TIAM1: variants seen among roughly 807,000 people sequenced by gnomAD.
The protein encoded by TIAM1 is rho guanine nucleotide exchange factor TIAM1.
Under a neutral mutation model 163.5 loss-of-function variants are expected in TIAM1, and 65 were observed. The ratio of observed to expected loss-of-function variants is 0.40; its 90% CI spans 0.33 to 0.49. The LOEUF (loss-of-function observed/expected upper bound fraction) is 0.49. Among genes scored for constraint, TIAM1 ranks in the 20% least tolerant of loss-of-function variants. The probability of loss-of-function intolerance (pLI) is 0.77; values close to 1 mark genes in which losing one functional copy is unlikely to be tolerated. For synonymous variants in TIAM1, 833 were observed against 810.1 expected (o/e 1.03, Z -0.48); for missense variants, 1,789 against 2,044.7 (o/e 0.87, Z 2.41).
At chr21:31,123,284 A>G (rs1411846842) in intron 27 of TIAM1, among the ~76,000 whole-genome samples, 1 of 152,178 alleles carries the variant, frequency 6.6e-6, no homozygotes, top group East Asian at 1.9e-4. Context: ...CTTTTTAAAC[A>G]TTTCCCTAGC....
intron 20 of TIAM1, among the ~76,000 whole-genome samples, chr21:31,146,248 C>T (rs1450778106): frequency 2.0e-5 from 3 of 152,018 alleles, no homozygotes; most frequent in African/African-American, 4.8e-5. Context: ...GCCTGGCCAA[C>T]ATGGTGAAAC....
intron 15 of TIAM1, 102 bp from the exon 16 acceptor site, chr21:31,165,167 C>T (rs2084147744): frequency 1.0e-6 from 1 of 996,170 alleles, no homozygotes; most frequent in South Asian, 1.4e-5. Context: ...ATGACATGTA[C>T]ATATACTGTA....
intron 15 of TIAM1, among the ~76,000 whole-genome samples, chr21:31,176,847 A>G (rs2084787856): frequency 6.6e-6 from 1 of 152,084 alleles, no homozygotes; most frequent in Admixed American, 6.5e-5. Flanking sequence ...AGAAGCAACC[A>G]CCGGAACAAA....
chr21:31,336,845 C>CCA (rs574361463), intron 2 of TIAM1, among the ~76,000 whole-genome samples: 15 of 152,104 alleles, frequency 9.9e-5, no homozygotes, highest in Non-Finnish European at 1.5e-4. Flanking sequence ...AGGCAGGAGG[C>CCA]CAATGGGGGT....
chr21:31,540,369 G>C (rs1386628326), intron 1 of TIAM1, among the ~76,000 whole-genome samples: 1 of 141,492 alleles, frequency 7.1e-6, no homozygotes, highest in East Asian at 2.1e-4. Context: ...TAGGCAAAAA[G>C]AGCAATACTC....
chr21:31,397,641 A>G (rs1179320466), intron 2 of TIAM1, among the ~76,000 whole-genome samples: 1 of 152,202 alleles, frequency 6.6e-6, no homozygotes, highest in Non-Finnish European at 1.5e-5. Flanking sequence ...ATTTATGGCC[A>G]TCCTTCCTGG....
intron 9 of TIAM1, among the ~76,000 whole-genome samples, chr21:31,215,039 C>A (rs996387688): frequency 6.6e-6 from 1 of 152,056 alleles, no homozygotes; most frequent in Non-Finnish European, 1.5e-5. Context: ...AGAAAAAATA[C>A]AAGAATTGTT....
chr21:31,469,143 C>T (rs73360951), intron 1 of TIAM1, among the ~76,000 whole-genome samples: 17,896 of 142,878 alleles, frequency 0.13, 1,176 homozygotes, highest in Admixed American at 0.15. Context: ...AGTACAGTGG[C>T]ACGATCATAG....
At position 31,210,216 on chromosome 21, in the gene TIAM1, C is replaced by T; in HGVS notation, c.2218-1G>A. On this transcript the variant is annotated splice_acceptor_variant, in intron 10 of 27. Coordinates refer to ENST00000541036, the MANE Select transcript of TIAM1 (RefSeq NM_001353694.2). LOFTEE classifies it high-confidence loss of function. ...TAGGTAAGACCACTTCTTTCTCCCTCTATAACAAGAAATAAAGTTAGCAGG... is the reference window on the plus strand; with the variant it reads ...TAGGTAAGACCACTTCTTTCTCCCTTTATAACAAGAAATAAAGTTAGCAGG... 6.2e-7 allele frequency: 1 copy of T among 1,613,846 alleles called. No individual in the cohort carries two copies. The highest frequency in any genetic ancestry group is 8.5e-7 in the Non-Finnish European group (1 of 1,179,926).
At position 31,213,488 on chromosome 21, in the gene TIAM1, T is replaced by C. The variant is rs774312033; in HGVS notation, c.2143-16A>G. The C allele has an allele frequency of 5.0e-6, 8 of 1,612,856 alleles. No individual in the cohort carries two copies. The highest frequency in any genetic ancestry group is 6.8e-6 in the Non-Finnish European group (8 of 1,179,300). On this transcript the variant is annotated splice_polypyrimidine_tract_variant and intron_variant, in intron 9 of 27. Coordinates refer to ENST00000541036, the MANE Select transcript of TIAM1 (RefSeq NM_001353694.2). ...CTCCAAACACCTGCATATACAAAAG[T>C]ACCACCTTAAAAAGGAATCTGGGCA...
chr21:31,487,552 G>GT (rs2046314381), intron 1 of TIAM1, among the ~76,000 whole-genome samples: 9 of 45,868 alleles, frequency 2.0e-4, no homozygotes, highest in Non-Finnish European at 3.8e-4. Context: ...TTTTTTTTTT[G>GT]TATTTTTTTT....
In TIAM1 at chr21:31,210,225, G is replaced by A. The variant is rs755202659; in HGVS notation, c.2218-10C>T. The A allele has an allele frequency of 6.2e-7, 1 of 1,613,504 alleles. No individual in the cohort carries two copies. Among genetic ancestry groups the A allele is most frequent in the Non-Finnish European group, 8.5e-7 (1 of 1,179,820 alleles). On this transcript the variant is annotated splice_polypyrimidine_tract_variant and intron_variant, in intron 10 of 27. Transcript: ENST00000541036. ...CCACTTCTTTCTCCCTCTATAACAA[G>A]AAATAAAGTTAGCAGGGCAGCAGCA...
intron 2 of TIAM1, among the ~76,000 whole-genome samples, chr21:31,430,281 T>C (rs1156356664): frequency 8.7e-4 from 128 of 147,124 alleles, no homozygotes; most frequent in African/African-American, 3.1e-3. Context: ...CACATATATA[T>C]ATATATTGCA....
At chr21:31,243,207 A>ATATATATATATATAT (rs1257885611) in intron 6 of TIAM1, among the ~76,000 whole-genome samples, 3 of 117,350 alleles carry the variant, frequency 2.6e-5, no homozygotes, top group African/African-American at 1.1e-4. Context: ...AAAAAAAAAA[A>ATATATATATATATAT]AAATATATAT....
intron 16 of TIAM1, chr21:31,160,755 C>T (rs1038635959): frequency 1.9e-5 from 7 of 366,966 alleles, no homozygotes; most frequent in Non-Finnish European, 2.9e-5. Context: ...ACTCGCTTCC[C>T]ACCAGTGCCC....
intron 1 of TIAM1, among the ~76,000 whole-genome samples, chr21:31,493,163 G>A (rs2833429): frequency 0.29 from 43,979 of 151,986 alleles, 7,542 homozygotes; most frequent in African/African-American, 0.48. Context: ...CTCTGCAAAG[G>A]ATTCAGTTAT....
Position 31,135,973 on chromosome 21 carries a change from C to T in TIAM1, c.3843G>A (p.Ser1281=), listed in dbSNP as rs143123730. 148 of 1,614,032 alleles carry T rather than the reference C, an allele frequency of 9.2e-5. 1 individual carries two copies. In the African/African-American group the frequency reaches 1.2e-3, roughly 13 times the overall value. The part of the protein sequence containing the change: ...TTVIWLNPPA[S]LGKWKKEPEL... The stretch of plus-strand genomic sequence containing the variant: ...CTGGTTCCTTTTTCCACTTGCCCAG[C>T]GAGGCCGGCGGGTTCAGCCAGATCA... Residue 1281 remains serine (S), a synonymous_variant, in exon 23 of 28, where the codon TCG becomes TCA. Transcript: ENST00000541036.
intron 24 of TIAM1, 94 bp from the exon 25 acceptor site, chr21:31,130,409 A>C (rs1427923107): frequency 2.0e-6 from 2 of 993,080 alleles, no homozygotes; most frequent in African/African-American, 1.6e-5. Context: ...ACTCTCACGC[A>C]GTAACTCTAG....
intron 1 of TIAM1, among the ~76,000 whole-genome samples, chr21:31,533,096 A>G (rs1405821677): frequency 6.6e-6 from 1 of 152,090 alleles, no homozygotes; most frequent in Admixed American, 6.6e-5. Context: ...TGAGGTGGGC[A>G]GGTCACTTGA....
Sources: gnomAD v4.1 joint callset for allele counts (sites outside exome capture counted in the v4.1 genomes callset) on GRCh38, gnomAD v4.1.1 for gene constraint, MANE v1.5 for transcripts, NCBI Gene and HGNC (gene_info 2026-07-23, HGNC 2026-07-21) for gene names.